TRMT11: variants seen among roughly 807,000 people sequenced by gnomAD.
TRMT11 encodes the protein tRNA (guanine(10)-N(2))-methyltransferase TRMT11.
Under a neutral mutation model 62.8 loss-of-function variants are expected in TRMT11, and 53 were observed. The observed-to-expected ratio is 0.84, with a 90% CI of 0.68 to 1.06. The LOEUF (loss-of-function observed/expected upper bound fraction) is 1.06, where lower values mean the gene tolerates loss of function less well. Among genes scored for constraint, TRMT11 ranks in the 50% least tolerant of loss-of-function variants. The pLI is 0.00. For missense variants in TRMT11, 556 were observed against 553.4 expected (o/e 1.00, Z -0.05); for synonymous variants, 188 against 190.3 (o/e 0.99, Z 0.10).
At chr6:126,011,455 G>A (rs191803905) in intron 9 of TRMT11, 38 bp downstream of exon 9, 26 of 1,556,178 alleles carry the variant, frequency 1.7e-5, no homozygotes, top group African/African-American at 2.7e-5. Context: ...AGTAGGATTC[G>A]TTTTGTAAAA....
At chr6:126,001,863 T>C (rs373916422) in intron 7 of TRMT11, among the ~76,000 whole-genome samples, 1 of 152,114 alleles carries the variant, frequency 6.6e-6, no homozygotes, top group East Asian at 1.9e-4. Flanking sequence ...CTCTCTTCCA[T>C]GTATTTGTTT....
intron 12 of TRMT11, among the ~76,000 whole-genome samples, chr6:126,029,167 T>C (rs1398713187): frequency 6.6e-6 from 1 of 152,226 alleles, no homozygotes; most frequent in Non-Finnish European, 1.5e-5. Context: ...GTTATCTTTC[T>C]GGTGTTATTC....
At chr6:126,034,904 T>G (rs1774879800) in intron 12 of TRMT11, among the ~76,000 whole-genome samples, 1 of 152,068 alleles carries the variant, frequency 6.6e-6, no homozygotes, top group African/African-American at 2.4e-5. Context: ...CAGATATTCC[T>G]GGTTGAGACG....
intron 17 of TRMT11, among the ~76,000 whole-genome samples, chr6:126,093,660 G>A (rs1442178329): frequency 8.0e-6 from 1 of 124,534 alleles, no homozygotes; most frequent in Non-Finnish European, 1.6e-5. Context: ...GGATCAATTA[G>A]GTGCTGGAAC....
Position 126,064,302 on chromosome 6 carries a change from C to T in TRMT11, c.*1437+11112C>T, listed in dbSNP as rs536271270. 2.4e-4 allele frequency among the ~76,000 whole-genome samples: 37 copies of T among 152,178 alleles called. No homozygotes were observed. In the South Asian group the frequency reaches 6.6e-3, roughly 27 times the overall value. On this transcript the variant is annotated intron_variant and NMD_transcript_variant, in intron 17 of 22. Transcript: ENST00000648977. ...TCTGAAAATCTGCCTGTGAGATGAC[C>T]GATACCCTGGATTAAACCACAGCTC...
At chr6:126,178,581 CT>C (rs1223374594) in intron 1 of TRMT11, among the ~76,000 whole-genome samples, 3 of 152,228 alleles carry the variant, frequency 2.0e-5, no homozygotes, top group Non-Finnish European at 4.4e-5. Context: ...TAGACTCTGA[CT>C]TCTATGCTAG....
At chr6:126,253,846 A>G in the TRMT11 span, among the ~76,000 whole-genome samples, 2 of 152,220 alleles carry the variant, frequency 1.3e-5, no homozygotes, top group African/African-American at 4.8e-5. Context: ...GGATGCTTCA[A>G]GTAAGGTCTC....
intron 17 of TRMT11, among the ~76,000 whole-genome samples, chr6:126,083,231 G>A (rs1373144834): frequency 6.6e-6 from 1 of 152,100 alleles, no homozygotes; most frequent in Non-Finnish European, 1.5e-5. Context: ...CTCTCTATGA[G>A]GCAACCTGAA....
chr6:126,216,386 G>A, the TRMT11 span, among the ~76,000 whole-genome samples: 6 of 152,116 alleles, frequency 3.9e-5, no homozygotes, highest in East Asian at 3.9e-4. Context: ...CTTTTGCTGC[G>A]TCATAGGTTC....
In TRMT11 at chr6:126,012,860, A is replaced by T; in HGVS notation, c.1007+8A>T. 6.2e-7 allele frequency: 1 copy of T among 1,612,336 alleles called. No homozygotes were observed. The highest frequency in any genetic ancestry group is 8.5e-7 in the Non-Finnish European group (1 of 1,178,420). On this transcript the variant is annotated splice_region_variant and intron_variant, in intron 10 of 12. Transcript: ENST00000334379. ...AGAAAAATGGGAAAAATGGTAAGTG[A>T]AATTTAAATATGATGTGTTACTACC...
At chr6:126,106,538 AT>A (rs1777466632) in intron 17 of TRMT11, among the ~76,000 whole-genome samples, 1 of 152,166 alleles carries the variant, frequency 6.6e-6, no homozygotes, top group South Asian at 2.1e-4. Context: ...ATAGGCTAGA[AT>A]TCGAAGATAG....
intron 12 of TRMT11, among the ~76,000 whole-genome samples, chr6:126,038,437 C>CAAAAAAAA (rs72178194): frequency 2.3e-5 from 3 of 129,254 alleles, no homozygotes; most frequent in Non-Finnish European, 1.7e-5. Flanking sequence ...TGCCCTGAGG[C>CAAAAAAAA]AAAAAAAAAA....
downstream of TRMT11, among the ~76,000 whole-genome samples, chr6:126,208,787 A>G (rs539141959): frequency 5.7e-4 from 87 of 152,372 alleles, no homozygotes; most frequent in South Asian, 7.2e-3. Context: ...CTGGACTCCA[A>G]TATATTATTG....
chr6:126,104,420 T>C (rs779289349), intron 17 of TRMT11, among the ~76,000 whole-genome samples: 73 of 152,242 alleles, frequency 4.8e-4, no homozygotes, highest in Admixed American at 1.7e-3. Flanking sequence ...GAATATAGCC[T>C]CTTGAAGGAT....
intron 17 of TRMT11, among the ~76,000 whole-genome samples, chr6:126,095,965 G>C (rs1478643787): frequency 6.6e-6 from 1 of 152,156 alleles, no homozygotes; most frequent in South Asian, 2.1e-4. Flanking sequence ...TAGGAGCAGG[G>C]ATAGGAGAAA....
chr6:126,270,176 G>T, the TRMT11 span, among the ~76,000 whole-genome samples: 2 of 152,164 alleles, frequency 1.3e-5, no homozygotes, highest in Non-Finnish European at 2.9e-5. Context: ...ACAGTACTTG[G>T]CCCTGTATCT....
At chr6:126,178,628 G>A (rs146224020) in intron 1 of TRMT11, among the ~76,000 whole-genome samples, 93 of 152,296 alleles carry the variant, frequency 6.1e-4, no homozygotes, top group African/African-American at 2.1e-3. Context: ...AAGACAAGTT[G>A]ATTGAAATCC....
intron 21 of TRMT11, among the ~76,000 whole-genome samples, chr6:126,170,481 G>A (rs1778317737): frequency 6.6e-6 from 1 of 152,104 alleles, no homozygotes; most frequent in Non-Finnish European, 1.5e-5. Context: ...AGGTCATTAT[G>A]TTCAGTTCTG....
intron 21 of TRMT11, among the ~76,000 whole-genome samples, chr6:126,143,566 T>C (rs1172740605): frequency 6.6e-6 from 1 of 152,176 alleles, no homozygotes; most frequent in African/African-American, 2.4e-5. Flanking sequence ...TTGTCTCTGT[T>C]ATTGTCATTT....
Sources: gnomAD v4.1 joint callset for allele counts (sites outside exome capture counted in the v4.1 genomes callset) on GRCh38, gnomAD v4.1.1 for gene constraint, MANE v1.5 for transcripts, NCBI Gene and HGNC (gene_info 2026-07-23, HGNC 2026-07-21) for gene names.